ALK: variants seen among roughly 807,000 people sequenced by gnomAD.
ALK encodes the protein ALK receptor tyrosine kinase.
A neutral mutation model predicts 163.1 loss-of-function variants in ALK; 74 were observed. That is an observed-to-expected ratio of 0.45 (90% CI 0.38 to 0.55). The LOEUF is 0.55. Ranked by LOEUF, ALK falls within the 20% of genes least tolerant of loss-of-function variation. ALK has a pLI of 0.00. For missense variants in ALK, 2,063 were observed against 2,105.3 expected (o/e 0.98, Z 0.39); for synonymous variants, 960 against 843.2 (o/e 1.14, Z -2.40).
At chr2:29,756,162 T>TC (rs1345112801) in intron 1 of ALK, among the ~76,000 whole-genome samples, 1 of 152,220 alleles carries the variant, frequency 6.6e-6, no homozygotes, top group Non-Finnish European at 1.5e-5. Context: ...CACATGCAGT[T>TC]CCCTTGGACT....
At chr2:29,745,677 T>C (rs1308489262) in intron 1 of ALK, among the ~76,000 whole-genome samples, 1 of 152,202 alleles carries the variant, frequency 6.6e-6, no homozygotes, top group Non-Finnish European at 1.5e-5. Context: ...CCTATCAAAG[T>C]AGGTCCCCGC....
At chr2:29,475,843 T>C (rs1278295695) in intron 4 of ALK, among the ~76,000 whole-genome samples, 2 of 148,186 alleles carry the variant, frequency 1.3e-5, no homozygotes, top group African/African-American at 2.5e-5. Context: ...TGAAGAGGAA[T>C]TGTGCAAACT....
chr2:29,612,361 C>T (rs900738891), intron 3 of ALK, among the ~76,000 whole-genome samples: 2 of 152,098 alleles, frequency 1.3e-5, no homozygotes, highest in African/African-American at 4.8e-5. Context: ...TTATTAAAGT[C>T]CCTGGTAGGT....
In ALK at chr2:29,832,930, G is replaced by C. The variant is rs1027469858; in HGVS notation, c.667+87063C>G. On this transcript the variant is annotated intron_variant, in intron 1 of 28. Coordinates refer to ENST00000389048, the MANE Select transcript of ALK (RefSeq NM_004304.5). ...TCCTGAGAAGGCGGCAGTTGAGCTGGGCTCTAAAGTATGTGTAGGGATTGA... is the reference window on the plus strand; with the variant it reads ...TCCTGAGAAGGCGGCAGTTGAGCTGCGCTCTAAAGTATGTGTAGGGATTGA... Among the ~76,000 whole-genome samples, 3 of 152,204 alleles carry C rather than the reference G, an allele frequency of 2.0e-5. No individual in the cohort carries two copies. The East Asian group carries it at 5.8e-4, about 29-fold the overall frequency.
chr2:29,328,873 T>G (rs1667355122), intron 5 of ALK, among the ~76,000 whole-genome samples: 1 of 152,186 alleles, frequency 6.6e-6, no homozygotes, highest in Non-Finnish European at 1.5e-5. Flanking sequence ...AAATTTGGGG[T>G]ACCAAGAGGT....
intron 13 of ALK, among the ~76,000 whole-genome samples, chr2:29,236,610 T>G (rs548635118): frequency 1.3e-5 from 2 of 152,270 alleles, no homozygotes; most frequent in Admixed American, 1.3e-4. Context: ...GTCAAGGCTC[T>G]TGCTGGACCA....
At chr2:29,697,287 G>C (rs1678595405) in intron 2 of ALK, among the ~76,000 whole-genome samples, 1 of 152,160 alleles carries the variant, frequency 6.6e-6, no homozygotes, top group Admixed American at 6.5e-5. Context: ...CTATGACAAT[G>C]AGTCAGGGTT....
At chr2:29,559,448 A>T (rs77165517) in intron 3 of ALK, among the ~76,000 whole-genome samples, 2 of 152,144 alleles carry the variant, frequency 1.3e-5, no homozygotes, top group African/African-American at 2.4e-5. Flanking sequence ...AGAACTCCAG[A>T]ATTATGACAC....
At chr2:29,197,720 C>T (rs1475347646) in intron 26 of ALK, 44 bp from the exon 27 acceptor site, 3 of 1,480,708 alleles carry the variant, frequency 2.0e-6, no homozygotes, top group Middle Eastern at 1.8e-4. Flanking sequence ...TAGACACACC[C>T]ACCCACATTC....
intron 4 of ALK, among the ~76,000 whole-genome samples, chr2:29,478,801 G>A (rs1344201633): frequency 6.6e-6 from 1 of 152,162 alleles, no homozygotes; most frequent in East Asian, 1.9e-4. Context: ...GATTTGGAAA[G>A]GTCAGGGAGA....
chr2:29,837,060 G>A (rs1411443386), intron 1 of ALK, among the ~76,000 whole-genome samples: 2 of 152,164 alleles, frequency 1.3e-5, no homozygotes, highest in Non-Finnish European at 2.9e-5. Context: ...CTCAACTTTT[G>A]ATAGAGAGGT....
intron 3 of ALK, among the ~76,000 whole-genome samples, chr2:29,635,049 A>T (rs1405228925): frequency 6.6e-6 from 1 of 152,232 alleles, no homozygotes; most frequent in Non-Finnish European, 1.5e-5. Context: ...TACTCAAAAA[A>T]TAACACTTAG....
chr2:29,356,741 A>C (rs555223212), intron 5 of ALK, among the ~76,000 whole-genome samples: 2 of 152,166 alleles, frequency 1.3e-5, no homozygotes, highest in Non-Finnish European at 2.9e-5. Flanking sequence ...CATCCAAATA[A>C]ATAAAGAAAA....
At chr2:29,235,333 C>T (rs995415451) in intron 13 of ALK, among the ~76,000 whole-genome samples, 2 of 152,212 alleles carry the variant, frequency 1.3e-5, no homozygotes, top group Non-Finnish European at 2.9e-5. Context: ...TCTTGAGCCA[C>T]TTCTTACGCT....
At chr2:29,672,615 T>C (rs1677738125) in intron 3 of ALK, among the ~76,000 whole-genome samples, 1 of 151,808 alleles carries the variant, frequency 6.6e-6, no homozygotes, top group Non-Finnish European at 1.5e-5. Context: ...TTTGCTATTG[T>C]GAATAGTGCC....
intron 3 of ALK, among the ~76,000 whole-genome samples, chr2:29,572,229 T>C (rs773886175): frequency 1.1e-4 from 16 of 152,244 alleles, no homozygotes; most frequent in South Asian, 2.1e-4. Flanking sequence ...GAATTAGTTA[T>C]GAAGATTTCT....
At chr2:29,236,398 G>T (rs1664382453) in intron 13 of ALK, among the ~76,000 whole-genome samples, 1 of 152,220 alleles carries the variant, frequency 6.6e-6, no homozygotes, top group Non-Finnish European at 1.5e-5. Context: ...GGAGGAGACA[G>T]CAGTGGGGCT....
chr2:29,289,636 A>G (rs1558655266), intron 9 of ALK, among the ~76,000 whole-genome samples: 1 of 152,136 alleles, frequency 6.6e-6, no homozygotes, highest in Non-Finnish European at 1.5e-5. Context: ...CATCAGGGCA[A>G]TTCAACTCCC....
chr2:29,807,184 C>T (rs1384310537), intron 1 of ALK, among the ~76,000 whole-genome samples: 1 of 152,216 alleles, frequency 6.6e-6, no homozygotes, highest in East Asian at 1.9e-4. Context: ...TCCTATCTCT[C>T]CCTGACAACC....
Sources: allele counts gnomAD v4.1 joint callset (sites outside exome capture counted in the v4.1 genomes callset), GRCh38; gene constraint gnomAD v4.1.1; transcripts MANE v1.5; gene names NCBI Gene and HGNC (gene_info 2026-07-23, HGNC 2026-07-21).